FBH1: variants seen among roughly 807,000 people sequenced by gnomAD.
FBH1 encodes F-box DNA helicase 1.
In FBH1, 43 loss-of-function variants were observed where a neutral mutation model predicts 115.5. That is an observed-to-expected ratio of 0.37 (90% CI 0.29 to 0.48). FBH1 has a LOEUF of 0.48. FBH1 is among the 20% of genes least tolerant of loss of function. The pLI, the probability that FBH1 is intolerant of heterozygous loss-of-function variation, is 0.99. For synonymous variants in FBH1, 524 were observed against 507.8 expected (o/e 1.03, Z -0.43); for missense variants, 1,001 against 1,337.3 (o/e 0.75, Z 3.92).
intron 3 of FBH1, among the ~76,000 whole-genome samples, chr10:5,908,360 T>C (rs1843853896): frequency 6.6e-6 from 1 of 152,232 alleles, no homozygotes; most frequent in Non-Finnish European, 1.5e-5. Flanking sequence ...TTGTTCCCAT[T>C]GAAACCCTGA....
rs139848196 is a variant in FBH1, at chr10:5,914,233, G to A, written c.1360G>A (p.Glu454Lys). ...ACAGCTGATTCTGAATCACAAGATG[G>A]AACCTCTCCAGGTGGTGAAAATTAT... The part of the protein sequence containing the change: ...EQQLILNHKM[E>K]PLQVVKIMAF... Residue 454 changes from glutamate (E) to lysine (K), a missense_variant, in exon 8 of 21, where the codon GAA (glutamate) becomes AAA (lysine). By Grantham distance (56) the Glu-to-Lys change is moderately conservative (BLOSUM62 1). Around this residue, in one of 4 missense-constraint regions of FBH1, gnomAD observed 521 missense variants for 811.0 expected, o/e 0.64. Coordinates refer to ENST00000362091, the MANE Select transcript of FBH1 (RefSeq NM_178150.3). The surrounding 1 kb of genome is among the most constrained non-coding windows in gnomAD (Gnocchi z 5.2). The A allele has an allele frequency of 6.2e-7, 1 of 1,614,222 alleles. No homozygotes were observed. Among genetic ancestry groups the A allele is most frequent in the Non-Finnish European group, 8.5e-7 (1 of 1,180,038 alleles).
rs1351430519 is a variant in FBH1, at chr10:5,908,958, C to G, written c.787C>G (p.Leu263Val). 6.2e-7 allele frequency: 1 copy of G among 1,614,144 alleles called. No individual in the cohort carries two copies. The highest frequency in any genetic ancestry group is 1.1e-5 in the South Asian group (1 of 91,076). Residue 263 changes from leucine to valine, a missense_variant, in exon 4 of 21, where the codon CTG becomes GTG. Physicochemically the swap from Leu to Val is conservative, Grantham distance 32. This residue lies in a region of FBH1 where 420 missense variants were observed against 430.4 expected (regional missense o/e 0.98). Coordinates refer to ENST00000362091, the MANE Select transcript of FBH1 (RefSeq NM_178150.3). Reference sequence around the variant, plus strand: ...TTGGAAGAAGCTGTACCATCGATACCTGATGAATGAAGAGCAAGCTGTCAG... The same window carrying G: ...TTGGAAGAAGCTGTACCATCGATACGTGATGAATGAAGAGCAAGCTGTCAG... The part of the protein sequence containing the change: ...IPWKKLYHRY[L>V]MNEEQAVSKV...
At chr10:5,892,752 A>G (rs779272640) in intron 1 of FBH1, among the ~76,000 whole-genome samples, 10 of 152,252 alleles carry the variant, frequency 6.6e-5, no homozygotes, top group Non-Finnish European at 1.3e-4. Context: ...TGACATTAAC[A>G]TCTCTTTGAA....
At position 5,906,228 on chromosome 10, in the gene FBH1, G is replaced by A; in HGVS notation, c.349G>A (p.Ala117Thr). ...TGCAGGGCCGGGCTCACCAGGGTCTGCCCCGCCCTCCAGGAAGCGGTCTTG... is the reference window on the plus strand; with the variant it reads ...TGCAGGGCCGGGCTCACCAGGGTCTACCCCGCCCTCCAGGAAGCGGTCTTG... ...GSAGPGSPGS[A>T]PPSRKRSWSS... The change falls in exon 3 of 21, where the codon GCC (alanine) becomes ACC (threonine). Residue 117 changes from alanine to threonine, a missense_variant. Physicochemically the swap from Ala to Thr is moderately conservative, Grantham distance 58 (BLOSUM62 0). This residue lies in a region of FBH1 where 420 missense variants were observed against 430.4 expected (regional missense o/e 0.98). Transcript: ENST00000362091. The surrounding 1 kb of genome is among the most constrained non-coding windows in gnomAD (Gnocchi z 7.3). 6.2e-7 allele frequency: 1 copy of A among 1,614,216 alleles called. No homozygotes were observed. Among genetic ancestry groups the A allele is most frequent in the Non-Finnish European group, 8.5e-7 (1 of 1,180,038 alleles).
intron 13 of FBH1, among the ~76,000 whole-genome samples, chr10:5,920,958 G>C (rs746884045): frequency 6.6e-6 from 1 of 152,220 alleles, no homozygotes; most frequent in Non-Finnish European, 1.5e-5. Flanking sequence ...AAGGCAAGGG[G>C]AGAAGCCCTC....
intron 2 of FBH1, chr10:5,905,097 G>A (rs1376547821): frequency 6.6e-6 from 1 of 152,212 alleles, no homozygotes; most frequent in Non-Finnish European, 1.5e-5. Context: ...AATCATTGGT[G>A]CTTAGTAAAT....
In FBH1 at chr10:5,897,254, C is replaced by T. The variant is rs1589047184; in HGVS notation, c.2-5766C>T. 6.6e-6 allele frequency among the ~76,000 whole-genome samples: 1 copy of T among 152,156 alleles called. No homozygotes were observed. The highest frequency in any genetic ancestry group is 6.5e-5 in the Admixed American group (1 of 15,288). On this transcript the variant is annotated intron_variant, in intron 1 of 20. Transcript: ENST00000362091. The surrounding 1 kb of genome is among the most constrained non-coding windows in gnomAD (Gnocchi z 4.7). ...CAGCATGGCAGGTTATTATAATCCT[C>T]GTTTTCATAAGCAAGGCTTTGGCGA...
chr10:5,894,396 G>T, intron 1 of FBH1: 1 of 1,594,794 alleles, frequency 6.3e-7, no homozygotes, highest in Non-Finnish European at 8.6e-7. Context: ...CTGCTTTCAA[G>T]GTGTCTAGAT....
chr10:5,924,059 T>G lies in FBH1; in HGVS notation c.2399-252T>G, dbSNP rs1046974354. On this transcript the variant is annotated intron_variant, in intron 16 of 20. Transcript: ENST00000362091. This position sits in a 1 kb window ranked among gnomAD's most constrained non-coding sequence, Gnocchi z 6.2. ...TTCTTTTCCTGTTGACTGCACTATTTCAAATCCCTGTGAAGTAGGTGAGGA... is the reference window on the plus strand; with the variant it reads ...TTCTTTTCCTGTTGACTGCACTATTGCAAATCCCTGTGAAGTAGGTGAGGA... 3.4e-6 allele frequency: 2 copies of G among 581,766 alleles called. No homozygotes were observed. The highest frequency in any genetic ancestry group is 3.7e-5 in the African/African-American group (2 of 53,638). 36.0% of individuals were successfully genotyped at this position (581,766 alleles called of 1,614,324 possible). A position where few individuals can be genotyped will look rare whatever the true frequency, so the allele number is the denominator to read the frequency against.
rs1191918134 is a variant in FBH1 at position 5,903,184 on chromosome 10, C to G, written c.157+9C>G. 2.5e-6 allele frequency: 4 copies of G among 1,586,708 alleles called. No homozygotes were observed. On this transcript the variant is annotated intron_variant, in intron 2 of 20. Transcript: ENST00000362091. ...AAAAAGAGGGAGTAGGGGTATGTCT[C>G]CTCTAAAACTCTTGCATTTCAAAAC...
chr10:5,916,385 A>G lies in FBH1; in HGVS notation c.1717A>G (p.Ile573Val), dbSNP rs777045272. The G allele has an allele frequency of 6.2e-7, 1 of 1,614,270 alleles. No homozygotes were observed. The highest frequency in any genetic ancestry group is 1.1e-5 in the South Asian group (1 of 91,088). The change falls in exon 10 of 21, where the codon ATT becomes GTT. Residue 573 changes from isoleucine to valine, a missense_variant. By Grantham distance (29) the Ile-to-Val change is conservative (BLOSUM62 3). This residue lies in a region of FBH1 where 521 missense variants were observed against 811.0 expected (regional missense o/e 0.64). Transcript: ENST00000362091. ...TGCCTCGGCTGACGAAGAGCTGACC[A>G]TTGATCACGTGCCTATTTGGTGTAA... Reference protein sequence around the residue: ...FFASADEELTIDHVPIWCKNS... With the variant: ...FFASADEELTVDHVPIWCKNS...
chr10:5,925,535 G>C lies in FBH1; in HGVS notation c.2722+43G>C, dbSNP rs1165301228. On this transcript the variant is annotated intron_variant, in intron 18 of 20. Transcript: ENST00000362091. This position sits in a 1 kb window ranked among gnomAD's most constrained non-coding sequence, Gnocchi z 4.6. The stretch of plus-strand genomic sequence containing the variant: ...AGTGTCAGGTGCTGCTGTATGTAGT[G>C]AGTGGTGACTGGAATGCTTCCTTTG... 6.2e-7 allele frequency: 1 copy of C among 1,609,432 alleles called. No homozygotes were observed. The highest frequency in any genetic ancestry group is 1.1e-5 in the South Asian group (1 of 90,540).
rs1832282094 is a variant in FBH1, at chr10:5,921,062, G to A, written c.2101-196G>A. On this transcript the variant is annotated intron_variant, in intron 13 of 20. Coordinates refer to ENST00000362091, the MANE Select transcript of FBH1 (RefSeq NM_178150.3). This position sits in a 1 kb window ranked among gnomAD's most constrained non-coding sequence, Gnocchi z 6.4. Reference sequence around the variant, plus strand: ...TGCTTAAAAGAAAAATTTACTATTGGTGTTGAGAATAATGGAAAATAAAGA... The same window carrying A: ...TGCTTAAAAGAAAAATTTACTATTGATGTTGAGAATAATGGAAAATAAAGA... Among the ~76,000 whole-genome samples the A allele has an allele frequency of 6.6e-6, 1 of 152,246 alleles. No homozygotes were observed. Among genetic ancestry groups the A allele is most frequent in the African/African-American group, 2.4e-5 (1 of 41,470 alleles).
chr10:5,899,889 TTTAG>T (rs1843236845), intron 1 of FBH1, among the ~76,000 whole-genome samples: 1 of 152,238 alleles, frequency 6.6e-6, no homozygotes, highest in Non-Finnish European at 1.5e-5. Context: ...AAACTTCAAA[TTTAG>T]TTTTTAATGT....
rs1831569449 is a variant in FBH1, at chr10:5,911,221, C to A, written c.1211+93C>A. On this transcript the variant is annotated intron_variant, in intron 6 of 20. Coordinates refer to ENST00000362091, the MANE Select transcript of FBH1 (RefSeq NM_178150.3). This position sits in a 1 kb window ranked among gnomAD's most constrained non-coding sequence, Gnocchi z 5.4. The stretch of plus-strand genomic sequence containing the variant: ...CAGCCCTGCCACTTAGCAGTGTTAG[C>A]ACCTGGCAGGCTGTGGGACCCACCT... 3.8e-6 allele frequency: 5 copies of A among 1,306,256 alleles called. No individual in the cohort carries two copies. Among genetic ancestry groups the A allele is most frequent in the Non-Finnish European group, 5.3e-6 (5 of 949,576 alleles). 80.9% of individuals were successfully genotyped at this position (1,306,256 alleles called of 1,614,324 possible). A position where few individuals can be genotyped will look rare whatever the true frequency, so the allele number is the denominator to read the frequency against.
At chr10:5,904,616 T>G (rs1352337126) in intron 2 of FBH1, among the ~76,000 whole-genome samples, 1 of 152,058 alleles carries the variant, frequency 6.6e-6, no homozygotes, top group Non-Finnish European at 1.5e-5. Context: ...ATCCCAGCAG[T>G]TTGGGAGGTT....
intron 6 of FBH1, among the ~76,000 whole-genome samples, chr10:5,912,937 G>A (rs1436130187): frequency 6.6e-6 from 1 of 152,196 alleles, no homozygotes; most frequent in Non-Finnish European, 1.5e-5. Flanking sequence ...CATCTGAAAT[G>A]TTGGATTATT....
In FBH1 at chr10:5,927,561, T is replaced by G. The variant is rs1832727116; in HGVS notation, c.2829+20T>G. 1 of 1,573,336 alleles carries G rather than the reference T, an allele frequency of 6.4e-7. No individual in the cohort carries two copies. Among genetic ancestry groups the G allele is most frequent in the African/African-American group, 1.4e-5 (1 of 73,844 alleles). Reference sequence around the variant, plus strand: ...GCTGGGGTAAGCAGAACGGGCAGCATGAGCTAACTTGATGCCATTGAATGT... The same window carrying G: ...GCTGGGGTAAGCAGAACGGGCAGCAGGAGCTAACTTGATGCCATTGAATGT... On this transcript the variant is annotated intron_variant, in intron 19 of 20. Transcript: ENST00000362091.
chr10:5,892,850 GCAGGGT>G (rs886536218), intron 1 of FBH1, among the ~76,000 whole-genome samples: 1 of 152,214 alleles, frequency 6.6e-6, no homozygotes, highest in Non-Finnish European at 1.5e-5. Flanking sequence ...TTATGCACCT[GCAGGGT>G]CTGCTACTCT....
Sources: gnomAD v4.1 joint callset for allele counts (sites outside exome capture counted in the v4.1 genomes callset) on GRCh38, gnomAD v4.1.1 for gene constraint, gnomAD v4.1.1 regional missense constraint, Gnocchi (gnomAD v3.1) non-coding constraint, MANE v1.5 for transcripts, NCBI Gene and HGNC (gene_info 2026-07-23, HGNC 2026-07-21) for gene names.